The following DNAH7 variants were observed in gnomAD, a reference collection of about 807,000 sequenced individuals.
The protein encoded by DNAH7 is axonemal beta dynein heavy chain 7.
In DNAH7, 397 loss-of-function variants were observed where a neutral mutation model predicts 444.6. The observed-to-expected ratio is 0.89, with a 90% confidence interval of 0.82 to 0.97. The LOEUF (loss-of-function observed/expected upper bound fraction) is 0.97, where lower values mean the gene tolerates loss of function less well. DNAH7 is among the 50% of genes least tolerant of loss of function. The probability of loss-of-function intolerance (pLI) is 0.00; values close to 1 mark genes in which losing one functional copy is unlikely to be tolerated. For missense variants in DNAH7, 4,902 were observed against 4,800.8 expected (o/e 1.02, Z -0.62); for synonymous variants, 1,636 against 1,624.4 (o/e 1.01, Z -0.17).
At chr2:195,750,449 A>T (rs1693728775) in intron 63 of DNAH7, among the ~76,000 whole-genome samples, 1 of 152,222 alleles carries the variant, frequency 6.6e-6, no homozygotes, top group Admixed American at 6.5e-5. Flanking sequence ...CCCTCTGCGT[A>T]TTATAATAAT....
chr2:195,842,213 A>G (rs890619705), intron 47 of DNAH7, among the ~76,000 whole-genome samples: 1 of 152,110 alleles, frequency 6.6e-6, no homozygotes, highest in Non-Finnish European at 1.5e-5. Flanking sequence ...GATACAATCT[A>G]ATTACATTTA....
At chr2:196,031,002 G>A (rs1341351023) in intron 5 of DNAH7, among the ~76,000 whole-genome samples, 1 of 152,182 alleles carries the variant, frequency 6.6e-6, no homozygotes, top group Non-Finnish European at 1.5e-5. Context: ...CTGAGTGGGG[G>A]CTCTGACCCC....
intron 49 of DNAH7, among the ~76,000 whole-genome samples, chr2:195,819,724 C>T (rs531366358): frequency 4.5e-4 from 69 of 152,120 alleles, no homozygotes; most frequent in Middle Eastern, 3.4e-3. Flanking sequence ...AAGGACTTCC[C>T]CCAAGCAAAG....
At chr2:196,061,240 A>G (rs1698115504) in intron 1 of DNAH7, among the ~76,000 whole-genome samples, 1 of 152,020 alleles carries the variant, frequency 6.6e-6, no homozygotes, top group African/African-American at 2.4e-5. Context: ...ACATCCCTCA[A>G]TCCTCAGGTA....
intron 24 of DNAH7, among the ~76,000 whole-genome samples, chr2:195,919,092 A>T (rs1394842574): frequency 6.6e-6 from 1 of 152,062 alleles, no homozygotes; most frequent in Non-Finnish European, 1.5e-5. Flanking sequence ...CTACTAAAAA[A>T]TACAAAAAAT....
intron 40 of DNAH7, among the ~76,000 whole-genome samples, chr2:195,871,913 A>C (rs1700721000): frequency 1.5e-5 from 1 of 68,534 alleles, no homozygotes; most frequent in Non-Finnish European, 2.3e-5. Context: ...CCTGGGCGAC[A>C]GAGCGAGACT....
At position 195,900,386 on chromosome 2, in the gene DNAH7, C is replaced by T; in HGVS notation, c.4444G>A (p.Val1482Met). ...VTARPLSVKI[V>M]ATYRLCSEQL... ...TCTGAACACAAGCGATACGTAGCCA[C>T]AATTTTTACAGACAGTGGTCGAGCA... The change falls in exon 28 of 65, where the codon GTG (valine) becomes ATG (methionine). Residue 1482 changes from valine (V) to methionine (M), a missense_variant. By Grantham distance (21) the Val-to-Met change is conservative (BLOSUM62 1). Transcript: ENST00000312428. The T allele has an allele frequency of 6.2e-7, 1 of 1,613,948 alleles. No homozygotes were observed. Among genetic ancestry groups the T allele is most frequent in the Admixed American group, 1.7e-5 (1 of 59,992 alleles).
chr2:195,816,529 T>C lies in DNAH7; in HGVS notation c.9761+99A>G, dbSNP rs367843782. On this transcript the variant is annotated intron_variant, in intron 51 of 64. Transcript: ENST00000312428. ...CAAGTTCATTTTAGGTAAGTGGCTGTAATGCTTGTACCACTCTGAGACAAC... is the reference window on the plus strand; with the variant it reads ...CAAGTTCATTTTAGGTAAGTGGCTGCAATGCTTGTACCACTCTGAGACAAC... 40 of 852,654 alleles carry C rather than the reference T, an allele frequency of 4.7e-5. No individual in the cohort carries two copies. In the African/African-American group the frequency reaches 5.2e-4, roughly 11 times the overall value. 52.8% of individuals were successfully genotyped at this position (852,654 alleles called of 1,614,324 possible).
intron 61 of DNAH7, among the ~76,000 whole-genome samples, chr2:195,769,891 C>G (rs1694756423): frequency 6.6e-6 from 1 of 152,132 alleles, no homozygotes; most frequent in Non-Finnish European, 1.5e-5. Context: ...CTTGACTTCC[C>G]TCTTGAACTC....
rs774658095 is a variant in DNAH7, at chr2:195,856,134, G to A, written c.8415-143C>T. On this transcript the variant is annotated intron_variant, in intron 44 of 64. Coordinates refer to ENST00000312428, the MANE Select transcript of DNAH7 (RefSeq NM_018897.3). ...ATCTAAACCGATTTCCATATTTCCT[G>A]TTTCATCTAACAATCATCCAAACTT... 9 of 748,516 alleles carry A rather than the reference G, an allele frequency of 1.2e-5. No individual in the cohort carries two copies. The South Asian group carries it at 2.3e-4, about 20-fold the overall frequency. The allele number at this position is 748,516 out of a possible 1,614,324, so 46.4% of individuals were successfully genotyped here.
chr2:195,789,727 G>A (rs1167479473), intron 57 of DNAH7, among the ~76,000 whole-genome samples: 2 of 151,532 alleles, frequency 1.3e-5, no homozygotes, highest in Non-Finnish European at 2.9e-5. Flanking sequence ...GGAATATCTT[G>A]GCTAAGAATG....
At chr2:195,982,347 G>A (rs995082801) in intron 15 of DNAH7, among the ~76,000 whole-genome samples, 4 of 152,312 alleles carry the variant, frequency 2.6e-5, no homozygotes, top group Middle Eastern at 3.4e-3. Flanking sequence ...TGCTGAGAAT[G>A]CAGAGAAAAG....
At chr2:196,019,496 CTG>C (rs1695241172) in intron 8 of DNAH7, among the ~76,000 whole-genome samples, 1 of 151,948 alleles carries the variant, frequency 6.6e-6, no homozygotes, top group Non-Finnish European at 1.5e-5. Flanking sequence ...AAAAATGACT[CTG>C]AAATTAGATT....
chr2:195,876,663 T>C lies in DNAH7; in HGVS notation c.5998A>G (p.Lys2000Glu). Reference protein sequence around the residue: ...LLNQLNKEIYKPLLINFSAQT... With the variant: ...LLNQLNKEIYEPLLINFSAQT... ...GCTGAGAAGTTAATTAGCAGAGGTT[T>C]GTAGATTTCCTTATTTAGTTGATTT... The change falls in exon 37 of 65, where the codon AAA (lysine) becomes GAA (glutamate). Residue 2000 changes from lysine to glutamate, a missense_variant. Lys to Glu is a moderately conservative substitution (Grantham distance 56). Coordinates refer to ENST00000312428, the MANE Select transcript of DNAH7 (RefSeq NM_018897.3). 3 of 1,606,178 alleles carry C rather than the reference T, an allele frequency of 1.9e-6. No homozygotes were observed. Among genetic ancestry groups the C allele is most frequent in the South Asian group, 2.2e-5 (2 of 90,532 alleles).
chr2:195,955,494 A>C (rs1421571398), intron 19 of DNAH7, among the ~76,000 whole-genome samples: 2 of 152,076 alleles, frequency 1.3e-5, no homozygotes, highest in African/African-American at 4.8e-5. Flanking sequence ...CTTAGGATTA[A>C]GACAATCAAG....
chr2:195,832,444 CTTTT>C (rs56382676), intron 48 of DNAH7, among the ~76,000 whole-genome samples: 1 of 144,440 alleles, frequency 6.9e-6, no homozygotes, highest in Non-Finnish European at 1.5e-5. Context: ...TTCTTTCTTT[CTTTT>C]TTTTTTTTCT....
chr2:195,834,915 G>A (rs1465077311), intron 47 of DNAH7, among the ~76,000 whole-genome samples: 3 of 152,164 alleles, frequency 2.0e-5, no homozygotes, highest in African/African-American at 7.2e-5. Flanking sequence ...AATATCCAGG[G>A]ACACTTAAGT....
In DNAH7 at chr2:196,068,657, T is replaced by A. The variant is rs374259970; in HGVS notation, c.15+40A>T. 41 of 1,549,836 alleles carry A rather than the reference T, an allele frequency of 2.6e-5. No homozygotes were observed. The African/African-American group carries it at 5.1e-4, about 19-fold the overall frequency. ...CCACTTCCGAAACGCCTGGGAAGCG[T>A]CGCGGCGGCGGCGAGCCTGGCAAAG... On this transcript the variant is annotated intron_variant, in intron 1 of 64. Coordinates refer to ENST00000312428, the MANE Select transcript of DNAH7 (RefSeq NM_018897.3).
In DNAH7 at chr2:195,845,053, A is replaced by G. The variant is rs1303247016; in HGVS notation, c.8894T>C (p.Ile2965Thr). 8.1e-6 allele frequency: 13 copies of G among 1,613,846 alleles called. No homozygotes were observed. The highest frequency in any genetic ancestry group is 1.7e-5 in the Admixed American group (1 of 60,002). Residue 2965 changes from isoleucine (I) to threonine (T), a missense_variant, in exon 47 of 65, where the codon ATT (isoleucine) becomes ACT (threonine). Ile to Thr is a moderately conservative substitution (Grantham distance 89, BLOSUM62 -1). Transcript: ENST00000312428. ...GEAVTIRTWN[I>T]AGLPSDSFSI... is the part of the protein sequence containing the mutation. ...AAATGAGTCAGAAGGTAATCCAGCAATATTCCAAGTTCGAATTGTCACAGC... is the reference window on the plus strand; with the variant it reads ...AAATGAGTCAGAAGGTAATCCAGCAGTATTCCAAGTTCGAATTGTCACAGC...
Sources: gnomAD v4.1 joint callset for allele counts (sites outside exome capture counted in the v4.1 genomes callset) on GRCh38, gnomAD v4.1.1 for gene constraint, MANE v1.5 for transcripts, NCBI Gene and HGNC (gene_info 2026-07-23, HGNC 2026-07-21) for gene names.